NRG3: variants seen among roughly 807,000 people sequenced by gnomAD.
NRG3 encodes pro-neuregulin-3, membrane-bound isoform.
A neutral mutation model predicts 66.9 loss-of-function variants in NRG3; 31 were observed. That is an observed-to-expected ratio of 0.46 (90% CI 0.35 to 0.63). The LOEUF is 0.63. Ranked by LOEUF, NRG3 falls within the 20% of genes least tolerant of loss-of-function variation. The pLI, the probability that NRG3 is intolerant of heterozygous loss-of-function variation, is 0.00. For missense variants in NRG3, 910 were observed against 878.9 expected (o/e 1.04, Z -0.45); for synonymous variants, 393 against 359.4 (o/e 1.09, Z -1.06).
At chr10:82,820,949 C>G (rs2135571424) in intron 3 of NRG3, among the ~76,000 whole-genome samples, 1 of 152,290 alleles carries the variant, frequency 6.6e-6, no homozygotes, top group South Asian at 2.1e-4. Context: ...TTCTTTGCAA[C>G]TACACGATCA....
chr10:82,004,367 A>C (rs190577300), intron 1 of NRG3, among the ~76,000 whole-genome samples: 1 of 152,320 alleles, frequency 6.6e-6, no homozygotes, highest in Non-Finnish European at 1.5e-5. Flanking sequence ...GTAGAGAGAA[A>C]GAAACTGATG....
At chr10:82,389,790 C>T (rs573405827) in intron 2 of NRG3, among the ~76,000 whole-genome samples, 1 of 152,140 alleles carries the variant, frequency 6.6e-6, no homozygotes, top group East Asian at 1.9e-4. Context: ...CATTATGTAC[C>T]AGAACAATAG....
At chr10:82,150,642 T>C (rs1326006920) in intron 1 of NRG3, among the ~76,000 whole-genome samples, 2 of 151,456 alleles carry the variant, frequency 1.3e-5, no homozygotes, top group Non-Finnish European at 2.9e-5. Flanking sequence ...TTGACTCTTG[T>C]AAACTGCAAG....
chr10:82,304,102 G>T (rs549439386), intron 1 of NRG3, among the ~76,000 whole-genome samples: 11 of 152,182 alleles, frequency 7.2e-5, no homozygotes, highest in African/African-American at 1.7e-4. Flanking sequence ...TTTTACAAGG[G>T]TTTCTACAAT....
At chr10:82,416,436 G>C (rs895884652) in intron 2 of NRG3, among the ~76,000 whole-genome samples, 3 of 152,184 alleles carry the variant, frequency 2.0e-5, no homozygotes, top group Non-Finnish European at 4.4e-5. Flanking sequence ...AAGGCTGGAA[G>C]ACATGTAAGT....
At chr10:82,018,756 G>A (rs1489203523) in intron 1 of NRG3, among the ~76,000 whole-genome samples, 2 of 152,112 alleles carry the variant, frequency 1.3e-5, no homozygotes, top group African/African-American at 4.8e-5. Context: ...TGGTGTATAA[G>A]AATGCTTGTG....
chr10:82,441,983 T>A (rs1170671638), intron 2 of NRG3, among the ~76,000 whole-genome samples: 1 of 152,198 alleles, frequency 6.6e-6, no homozygotes, highest in Non-Finnish European at 1.5e-5. Context: ...GGGATTGCTG[T>A]TGTACTGTAG....
chr10:82,184,199 G>C (rs1291989865), intron 1 of NRG3, among the ~76,000 whole-genome samples: 2 of 152,096 alleles, frequency 1.3e-5, no homozygotes, highest in African/African-American at 4.8e-5. Context: ...ACTTTTCACT[G>C]TCTTGACATT....
chr10:82,750,475 A>G (rs1273486357), intron 3 of NRG3, among the ~76,000 whole-genome samples: 4 of 152,186 alleles, frequency 2.6e-5, no homozygotes, highest in African/African-American at 9.6e-5. Context: ...GACAGTAGTC[A>G]GAGACACAGG....
At chr10:82,964,451 G>T (rs1851005870) in intron 6 of NRG3, among the ~76,000 whole-genome samples, 1 of 152,150 alleles carries the variant, frequency 6.6e-6, no homozygotes, top group Admixed American at 6.5e-5. Context: ...TTTGTGCTGT[G>T]CCTAGTGTCT....
Position 82,020,468 on chromosome 10 carries a change from T to C in NRG3, c.823+144305T>C, listed in dbSNP as rs1427090421. 2.6e-5 allele frequency among the ~76,000 whole-genome samples: 4 copies of C among 152,182 alleles called. No homozygotes were observed. In the South Asian group the frequency reaches 6.2e-4, roughly 24 times the overall value. ...AGGGATAGAATAGGGGAGTTATAAGTATCTAGAATAGAAAGTCTTAACTTG... is the reference window on the plus strand; with the variant it reads ...AGGGATAGAATAGGGGAGTTATAAGCATCTAGAATAGAAAGTCTTAACTTG... On this transcript the variant is annotated intron_variant, in intron 1 of 8. Coordinates refer to ENST00000372141, the MANE Select transcript of NRG3 (RefSeq NM_001010848.4).
At chr10:82,278,490 T>A (rs892080091) in intron 1 of NRG3, among the ~76,000 whole-genome samples, 6 of 152,116 alleles carry the variant, frequency 3.9e-5, no homozygotes, top group Non-Finnish European at 8.8e-5. Flanking sequence ...CTCTCTTCTG[T>A]TGAAAATGTT....
At chr10:82,407,433 C>A (rs865924446) in intron 2 of NRG3, among the ~76,000 whole-genome samples, 32 of 152,220 alleles carry the variant, frequency 2.1e-4, no homozygotes, top group South Asian at 1.2e-3. Context: ...TGAGTTCAAA[C>A]CTCAACTCTA....
At chr10:82,971,115 C>A (rs1851681592) in intron 6 of NRG3, among the ~76,000 whole-genome samples, 1 of 152,036 alleles carries the variant, frequency 6.6e-6, no homozygotes, top group South Asian at 2.1e-4. Flanking sequence ...ATAACTAGTT[C>A]TTCCATGAAT....
intron 1 of NRG3, among the ~76,000 whole-genome samples, chr10:81,996,205 TTCTG>T (rs1319981263): frequency 6.6e-6 from 1 of 152,190 alleles, no homozygotes; most frequent in African/African-American, 2.4e-5. Context: ...TGTCAGAACA[TTCTG>T]TCTATTGTTT....
chr10:82,738,520 A>G, intron 2 of NRG3, 57 bp from the exon 3 acceptor site: 1 of 1,365,322 alleles, frequency 7.3e-7, no homozygotes, highest in Non-Finnish European at 1.0e-6. Context: ...TACTTGTTGA[A>G]ATCTTAAGTC....
At chr10:81,891,003 A>C (rs893593717) in intron 1 of NRG3, among the ~76,000 whole-genome samples, 1 of 152,220 alleles carries the variant, frequency 6.6e-6, no homozygotes, top group African/African-American at 2.4e-5. Flanking sequence ...CAAGGTATGA[A>C]ATGAATTGCA....
At chr10:82,877,563 AT>A (rs1841947618) in intron 4 of NRG3, among the ~76,000 whole-genome samples, 1 of 69,540 alleles carries the variant, frequency 1.4e-5, no homozygotes, top group African/African-American at 5.5e-5. Context: ...TTTTTTTTGG[AT>A]TTTTAGTGGA....
intron 2 of NRG3, among the ~76,000 whole-genome samples, chr10:82,614,252 A>C (rs556170773): frequency 5.9e-5 from 9 of 152,278 alleles, no homozygotes; most frequent in Non-Finnish European, 1.2e-4. Context: ...GAGCACTCAT[A>C]TTTCATGGGA....
Sources: gnomAD v4.1 joint callset for allele counts (sites outside exome capture counted in the v4.1 genomes callset) on GRCh38, gnomAD v4.1.1 for gene constraint, MANE v1.5 for transcripts, NCBI Gene and HGNC (gene_info 2026-07-23, HGNC 2026-07-21) for gene names.